The following PLCB4 variants were observed in gnomAD, a reference collection of about 807,000 sequenced individuals.
PLCB4 encodes 1-phosphatidylinositol 4,5-bisphosphate phosphodiesterase beta-4.
Under a neutral mutation model 178.8 loss-of-function variants are expected in PLCB4, and 77 were observed. That is an observed-to-expected ratio of 0.43 (90% CI 0.36 to 0.52). The LOEUF is 0.52. Among genes scored for constraint, PLCB4 ranks in the 20% least tolerant of loss-of-function variants. The pLI is 0.00. For missense variants in PLCB4, 1,024 were observed against 1,453.4 expected, an observed-to-expected ratio of 0.70 and a Z score of 4.80; for synonymous variants, 496 against 490.8, an observed-to-expected ratio of 1.01 and a Z score of -0.14.
intron 35 of PLCB4, among the ~76,000 whole-genome samples, chr20:9,466,185 G>A (rs780907502): frequency 3.9e-5 from 6 of 152,082 alleles, no homozygotes; most frequent in Non-Finnish European, 7.4e-5. Flanking sequence ...AAAATGGGGA[G>A]AGGATTCCCT....
chr20:9,334,625 C>T (rs2148044428), intron 4 of PLCB4, among the ~76,000 whole-genome samples: 1 of 152,158 alleles, frequency 6.6e-6, no homozygotes, highest in African/African-American at 2.4e-5. Context: ...CTAAATGAGA[C>T]ATGGAAGTTG....
intron 2 of PLCB4, among the ~76,000 whole-genome samples, chr20:9,170,988 A>C (rs986892199): frequency 3.3e-5 from 5 of 152,184 alleles, no homozygotes; most frequent in African/African-American, 1.2e-4. Context: ...AAGTGCTCAC[A>C]TTGAGTTCTT....
chr20:9,434,939 A>C (rs1411709684), intron 28 of PLCB4, among the ~76,000 whole-genome samples: 1 of 152,190 alleles, frequency 6.6e-6, no homozygotes, highest in Non-Finnish European at 1.5e-5. Flanking sequence ...AAACTCTGAA[A>C]GTACTTGGAA....
chr20:9,341,317 A>T (rs2033169293), intron 7 of PLCB4, among the ~76,000 whole-genome samples: 1 of 152,108 alleles, frequency 6.6e-6, no homozygotes, highest in Non-Finnish European at 1.5e-5. Flanking sequence ...ATCCATGTAT[A>T]ACTTTTGACT....
intron 36 of PLCB4, among the ~76,000 whole-genome samples, chr20:9,472,268 C>T (rs1437220419): frequency 6.6e-6 from 1 of 152,194 alleles, no homozygotes; most frequent in Non-Finnish European, 1.5e-5. Flanking sequence ...ATTCAGACCT[C>T]CCACCCCAGG....
At chr20:9,224,870 C>G (rs570636711) in intron 3 of PLCB4, among the ~76,000 whole-genome samples, 1 of 152,296 alleles carries the variant, frequency 6.6e-6, no homozygotes, top group South Asian at 2.1e-4. Context: ...AGGAAAATCC[C>G]TCTCCTTTGC....
chr20:9,408,635 C>T lies in PLCB4; in HGVS notation c.1792C>T (p.Arg598Cys), dbSNP rs751597030. The T allele has an allele frequency of 9.8e-6, 15 of 1,524,832 alleles. No individual in the cohort carries two copies. The highest frequency in any genetic ancestry group is 4.5e-5 in the South Asian group (4 of 88,584). 94.5% of individuals were successfully genotyped at this position (1,524,832 alleles called of 1,614,324 possible). ...CCATCTTTGCTTTTCTTTTACAGAA[C>T]GCAATATTCATTATAACATGTCTTC... is the stretch of plus-strand genomic sequence containing the variant. ...KFQGFHVAEE[R>C]NIHYNMSSFN... The change falls in exon 23 of 40, where the codon CGC (arginine) becomes TGC (cysteine). Residue 598 changes from arginine to cysteine, a missense_variant and splice_region_variant. Physicochemically the swap from Arg to Cys is radical, Grantham distance 180. Around this residue, in one of 7 missense-constraint regions of PLCB4, gnomAD observed 263 missense variants for 417.4 expected, o/e 0.63. Transcript: ENST00000378473.
chr20:9,207,159 G>A (rs2093624260), intron 2 of PLCB4, among the ~76,000 whole-genome samples: 4 of 152,176 alleles, frequency 2.6e-5, no homozygotes, highest in South Asian at 4.1e-4. Flanking sequence ...CAAAACAAAC[G>A]ATACCACAAA....
Position 9,365,475 on chromosome 20 carries a change from C to T in PLCB4, c.464C>T (p.Ala155Val). The T allele has an allele frequency of 6.2e-7, 1 of 1,606,606 alleles. No homozygotes were observed. Among genetic ancestry groups the T allele is most frequent in the Non-Finnish European group, 8.5e-7 (1 of 1,173,634 alleles). ...TTGTTTTGCAGCTGGATGAAATTGG[C>T]ATTTATGACCAACACAAATGGTAAA... ...TCLKKHWMKL[A>V]FMTNTNGKIP... Residue 155 changes from alanine to valine, a missense_variant, in exon 9 of 40, where the codon GCA (alanine) becomes GTA (valine). Ala to Val is a moderately conservative substitution (Grantham distance 64). Around this residue, in one of 7 missense-constraint regions of PLCB4, gnomAD observed 225 missense variants for 291.0 expected, o/e 0.77. Transcript: ENST00000378473.
chr20:9,472,690 C>T, intron 36 of PLCB4, 100 bp from the exon 37 acceptor site: 1 of 598,122 alleles, frequency 1.7e-6, no homozygotes. Flanking sequence ...AGCAATAATT[C>T]CATCCAGAGA....
intron 4 of PLCB4, among the ~76,000 whole-genome samples, chr20:9,332,263 C>T (rs1568601312): frequency 6.6e-6 from 1 of 152,118 alleles, no homozygotes. Flanking sequence ...AGCCTGGCCT[C>T]AATCTGGTCA....
At chr20:9,083,395 A>C (rs1030050046) in intron 1 of PLCB4, among the ~76,000 whole-genome samples, 3 of 147,140 alleles carry the variant, frequency 2.0e-5, no homozygotes, top group South Asian at 2.2e-4. Flanking sequence ...ACACACACAC[A>C]CCGCAGGTGC....
chr20:9,105,642 C>T (rs972351821), intron 2 of PLCB4, among the ~76,000 whole-genome samples: 3 of 151,816 alleles, frequency 2.0e-5, no homozygotes, highest in Non-Finnish European at 4.4e-5. Context: ...ATTAAAGAAC[C>T]TTGTTTTACA....
At chr20:9,224,726 T>C (rs2093842138) in intron 3 of PLCB4, among the ~76,000 whole-genome samples, 1 of 152,156 alleles carries the variant, frequency 6.6e-6, no homozygotes, top group Admixed American at 6.5e-5. Flanking sequence ...CCTGGCCAAC[T>C]GGGTTTCTCT....
At chr20:9,322,568 G>A (rs575306936) in intron 4 of PLCB4, among the ~76,000 whole-genome samples, 84 of 152,270 alleles carry the variant, frequency 5.5e-4, no homozygotes, top group African/African-American at 2.0e-3. Context: ...GCAGAGTTAC[G>A]CTGAGGACAG....
intron 19 of PLCB4, among the ~76,000 whole-genome samples, chr20:9,399,253 T>A (rs188615827): frequency 6.6e-6 from 1 of 152,358 alleles, no homozygotes; most frequent in African/African-American, 2.4e-5. Context: ...TGATTTAGTA[T>A]CCACGTAGGA....
At chr20:9,382,310 T>A (rs2037211374) in intron 13 of PLCB4, among the ~76,000 whole-genome samples, 1 of 152,164 alleles carries the variant, frequency 6.6e-6, no homozygotes. Flanking sequence ...GCCTTCTCCT[T>A]CCTACTCAGT....
Position 9,337,215 on chromosome 20 carries a change from C to G in PLCB4, c.165+9C>G. 2 of 1,594,960 alleles carry G rather than the reference C, an allele frequency of 1.3e-6. No individual in the cohort carries two copies. Among genetic ancestry groups the G allele is most frequent in the Non-Finnish European group, 8.6e-7 (1 of 1,162,894 alleles). Reference sequence around the variant, plus strand: ...GGAGAAGTGAAGGCAAGGTATGGCCCAAGAAGAGCAAGTTGTTCTTTCTGC... The same window carrying G: ...GGAGAAGTGAAGGCAAGGTATGGCCGAAGAAGAGCAAGTTGTTCTTTCTGC... On this transcript the variant is annotated intron_variant, in intron 5 of 39. Coordinates refer to ENST00000378473, the MANE Select transcript of PLCB4 (RefSeq NM_001377142.1).
At chr20:9,393,706 G>A in intron 18 of PLCB4, 28 bp downstream of exon 18, 1 of 1,344,590 alleles carries the variant, frequency 7.4e-7, no homozygotes, top group Non-Finnish European at 1.1e-6. Flanking sequence ...ATTTATAATG[G>A]AAGCATACAT....
Sources: gnomAD v4.1 joint callset for allele counts (sites outside exome capture counted in the v4.1 genomes callset) on GRCh38, gnomAD v4.1.1 for gene constraint, gnomAD v4.1.1 regional missense constraint, MANE v1.5 for transcripts, NCBI Gene and HGNC (gene_info 2026-07-23, HGNC 2026-07-21) for gene names.